GPHN: variants seen among roughly 807,000 people sequenced by gnomAD.
The protein encoded by GPHN is gephyrin.
A neutral mutation model predicts 95.5 loss-of-function variants in GPHN; 17 were observed. The observed-to-expected ratio is 0.18, with a 90% CI of 0.12 to 0.27. The LOEUF is 0.27. GPHN is among the 10% of genes least tolerant of loss of function. GPHN has a pLI of 1.00. For synonymous variants in GPHN, 320 were observed against 322.5 expected (o/e 0.99, Z 0.08); for missense variants, 660 against 978.1 (o/e 0.67, Z 4.34).
At chr14:67,003,106 C>G (rs148900807) in intron 9 of GPHN, among the ~76,000 whole-genome samples, 186 of 151,586 alleles carry the variant, frequency 1.2e-3, no homozygotes, top group African/African-American at 4.1e-3. Flanking sequence ...TCTTTTTCTC[C>G]AAAATCACTT....
At chr14:67,207,092 A>T in the GPHN span, among the ~76,000 whole-genome samples, 1 of 152,194 alleles carries the variant, frequency 6.6e-6, no homozygotes. Context: ...TTTTATCCTT[A>T]AGGAAGAAAA....
the GPHN span, among the ~76,000 whole-genome samples, chr14:67,378,674 C>T: frequency 6.6e-6 from 1 of 152,204 alleles, no homozygotes; most frequent in Non-Finnish European, 1.5e-5. Context: ...CTTCTAGTTC[C>T]AGCAACCCCT....
chr14:66,899,227 C>T lies in GPHN; in HGVS notation c.390-16776C>T, dbSNP rs112093709. Among the ~76,000 whole-genome samples the T allele has an allele frequency of 3.1e-3, 470 of 150,138 alleles. 11 individuals are homozygous for T. Among genetic ancestry groups the T allele is most frequent in the African/African-American group, 0.011 (445 of 41,026 alleles). On this transcript the variant is annotated intron_variant, in intron 5 of 22. Coordinates refer to ENST00000478722, the MANE Select transcript of GPHN (RefSeq NM_020806.5). ...TCATCTGCAAATAGGGGTAGTTTTA[C>T]TTCATTCTTTGTGATTTATATGCCT...
At chr14:67,556,007 A>C in the GPHN span, 1 of 1,309,426 alleles carries the variant, frequency 7.6e-7, no homozygotes, top group African/African-American at 1.5e-5. Context: ...ATACCTGAAC[A>C]AATGAGTGTG....
chr14:67,240,821 G>A, the GPHN span, among the ~76,000 whole-genome samples: 1 of 152,202 alleles, frequency 6.6e-6, no homozygotes, highest in Non-Finnish European at 1.5e-5. Flanking sequence ...CTTGCTTTCT[G>A]GTTTTCAGAA....
intron 12 of GPHN, among the ~76,000 whole-genome samples, chr14:67,099,758 T>C (rs959454477): frequency 6.6e-6 from 1 of 152,140 alleles, no homozygotes. Flanking sequence ...ACTTTATAGC[T>C]ACATAAACGA....
chr14:67,071,909 G>T (rs1310172981), intron 11 of GPHN, among the ~76,000 whole-genome samples: 1 of 152,020 alleles, frequency 6.6e-6, no homozygotes, highest in Non-Finnish European at 1.5e-5. Flanking sequence ...ATCCAAAAAG[G>T]AAGGGGGGGT....
chr14:67,419,094 A>G, the GPHN span, among the ~76,000 whole-genome samples: 1 of 152,340 alleles, frequency 6.6e-6, no homozygotes, highest in East Asian at 1.9e-4. Context: ...GTGCACGGGC[A>G]GGGCTGGACC....
chr14:67,343,038 TAGAA>T, the GPHN span, among the ~76,000 whole-genome samples: 1 of 152,150 alleles, frequency 6.6e-6, no homozygotes, highest in African/African-American at 2.4e-5. Flanking sequence ...ACTCAACCAT[TAGAA>T]AGAACTACAG....
intron 4 of GPHN, among the ~76,000 whole-genome samples, chr14:66,830,357 AAAAAT>A (rs1276842067): frequency 2.0e-5 from 3 of 152,180 alleles, no homozygotes; most frequent in Non-Finnish European, 4.4e-5. Context: ...ATAGCCTAAT[AAAAAT>A]AAAATATCCC....
chr14:66,571,748 T>C (rs1159668592), intron 1 of GPHN, among the ~76,000 whole-genome samples: 2 of 152,004 alleles, frequency 1.3e-5, no homozygotes, highest in African/African-American at 4.8e-5. Context: ...GAGTCGGAGC[T>C]TACAGTGAGC....
At chr14:67,033,927 G>T (rs2074301920) in intron 10 of GPHN, among the ~76,000 whole-genome samples, 1 of 152,164 alleles carries the variant, frequency 6.6e-6, no homozygotes, top group South Asian at 2.1e-4. Flanking sequence ...TATTCAAAGT[G>T]CTGAAGGAAC....
chr14:67,182,015 A>G (rs2083332435), downstream of GPHN, among the ~76,000 whole-genome samples: 1 of 152,210 alleles, frequency 6.6e-6, no homozygotes, highest in African/African-American at 2.4e-5. Flanking sequence ...AGAAGGAAGG[A>G]GAACCTGCAG....
At chr14:66,582,780 A>G (rs1327881450) in intron 1 of GPHN, among the ~76,000 whole-genome samples, 2 of 152,048 alleles carry the variant, frequency 1.3e-5, no homozygotes, top group Non-Finnish European at 2.9e-5. Flanking sequence ...AATCCAGTCT[A>G]TCATTGTTGG....
intron 1 of GPHN, among the ~76,000 whole-genome samples, chr14:66,671,506 A>G (rs2066303993): frequency 6.6e-6 from 1 of 152,218 alleles, no homozygotes; most frequent in African/African-American, 2.4e-5. Context: ...AATTCAAACA[A>G]TGTTTGCAGT....
intron 10 of GPHN, among the ~76,000 whole-genome samples, chr14:67,047,719 T>C (rs2075104242): frequency 6.6e-6 from 1 of 152,138 alleles, no homozygotes; most frequent in Non-Finnish European, 1.5e-5. Flanking sequence ...TCATGGTGGC[T>C]CACACCTGTA....
chr14:67,702,803 T>G, the GPHN span, among the ~76,000 whole-genome samples: 1 of 152,082 alleles, frequency 6.6e-6, no homozygotes, highest in Non-Finnish European at 1.5e-5. Flanking sequence ...AATAGAGATC[T>G]TATACCTTTA....
At chr14:66,819,179 T>G (rs898855723) in intron 3 of GPHN, among the ~76,000 whole-genome samples, 3 of 152,206 alleles carry the variant, frequency 2.0e-5, no homozygotes, top group African/African-American at 7.2e-5. Flanking sequence ...ATGTCCTAAA[T>G]GGTATTGCCT....
intron 2 of GPHN, among the ~76,000 whole-genome samples, chr14:66,695,172 TAAATAAAAATAA>T (rs542212720): frequency 6.6e-6 from 1 of 151,070 alleles, no homozygotes; most frequent in Non-Finnish European, 1.5e-5. Flanking sequence ...AAAAAATAAA[TAAATAAAAATAA>T]AAATAAAAAT....
Sources: gnomAD v4.1 joint callset for allele counts (sites outside exome capture counted in the v4.1 genomes callset) on GRCh38, gnomAD v4.1.1 for gene constraint, MANE v1.5 for transcripts, NCBI Gene and HGNC (gene_info 2026-07-23, HGNC 2026-07-21) for gene names.